Variants in TTC21B observed in about 807,000 individuals in gnomAD.
TTC21B encodes tetratricopeptide repeat protein 21B.
In TTC21B, 127 loss-of-function variants were observed where a neutral mutation model predicts 175.1. The ratio of observed to expected loss-of-function variants is 0.73; its 90% confidence interval spans 0.63 to 0.84. The LOEUF is 0.84. Among genes scored for constraint, TTC21B ranks in the 40% least tolerant of loss-of-function variants. The probability of loss-of-function intolerance (pLI) is 0.00; values close to 1 mark genes in which losing one functional copy is unlikely to be tolerated. For synonymous variants in TTC21B, 524 were observed against 524.5 expected (o/e 1.00, Z 0.01); for missense variants, 1,561 against 1,558.3 (o/e 1.00, Z -0.03).
At position 165,890,939 on chromosome 2, in the gene TTC21B, T is replaced by G; in HGVS notation, c.3000A>C (p.Gly1000=). The G allele has an allele frequency of 6.2e-7, 1 of 1,613,368 alleles. No homozygotes were observed. The highest frequency in any genetic ancestry group is 1.1e-5 in the South Asian group (1 of 91,062). The part of the protein sequence containing the change: ...SRLIDLLRRC[G]KLEDVPRFFS... ...AAAATCTTGGGACATCCTCGAGTTT[T>G]CCACATCTTCTTAGGAGATCAATCA... The change falls in exon 23 of 29, where the codon GGA becomes GGC. Residue 1000 remains glycine (G), a synonymous_variant. Coordinates refer to ENST00000243344, the MANE Select transcript of TTC21B (RefSeq NM_024753.5).
intron 6 of TTC21B, among the ~76,000 whole-genome samples, chr2:165,935,393 A>G (rs1687092134): frequency 6.6e-6 from 1 of 150,642 alleles, no homozygotes; most frequent in Admixed American, 6.6e-5. Flanking sequence ...ACAGTGCACT[A>G]TACTGAACAG....
chr2:165,926,971 G>A, intron 11 of TTC21B, among the ~76,000 whole-genome samples: 1 of 82,742 alleles, frequency 1.2e-5, no homozygotes. Flanking sequence ...ATGTATATAT[G>A]GAGTATATAT....
chr2:165,905,872 A>T (rs765163168), intron 19 of TTC21B, among the ~76,000 whole-genome samples: 2 of 68,594 alleles, frequency 2.9e-5, no homozygotes, highest in Non-Finnish European at 7.8e-5. Context: ...TGGTTACAGT[A>T]ATGTTAGAAA....
At position 165,901,771 on chromosome 2, in the gene TTC21B, G is replaced by A. The variant is rs1339081097; in HGVS notation, c.2708C>T (p.Ala903Val). 1 of 1,613,928 alleles carries A rather than the reference G, an allele frequency of 6.2e-7. No individual in the cohort carries two copies. Among genetic ancestry groups the A allele is most frequent in the African/African-American group, 1.3e-5 (1 of 74,894 alleles). ...HSVAQRDYEKAIKFYREALVH... is the reference protein window; with the variant it reads ...HSVAQRDYEKVIKFYREALVH... Reference sequence around the variant, plus strand: ...CAGAGCCTCTCTATAAAACTTAATTGCTTTTTCATAGTCTCGCTGAGCAAC... The same window carrying A: ...CAGAGCCTCTCTATAAAACTTAATTACTTTTTCATAGTCTCGCTGAGCAAC... The change falls in exon 20 of 29, where the codon GCA (alanine) becomes GTA (valine). Residue 903 changes from alanine to valine, a missense_variant. By Grantham distance (64) the Ala-to-Val change is moderately conservative (BLOSUM62 0). Transcript: ENST00000243344.
chr2:165,909,013 G>A (rs1559052552), intron 18 of TTC21B, among the ~76,000 whole-genome samples: 1 of 151,778 alleles, frequency 6.6e-6, no homozygotes, highest in Non-Finnish European at 1.5e-5. Context: ...ACTTACAATG[G>A]GCTTCTCTCA....
intron 19 of TTC21B, among the ~76,000 whole-genome samples, chr2:165,904,207 CTT>C (rs369349696): frequency 0.16 from 23,706 of 152,020 alleles, 2,160 homozygotes; most frequent in East Asian, 0.26. Flanking sequence ...TTCCTTGTAG[CTT>C]CTGGTAACTA....
intron 6 of TTC21B, chr2:165,934,717 A>T (rs1027341963): frequency 7.0e-6 from 1 of 143,384 alleles, no homozygotes; most frequent in African/African-American, 2.6e-5. Flanking sequence ...AATAAAAATG[A>T]GATACCTCTC....
At position 165,949,541 on chromosome 2, in the gene TTC21B, A is replaced by C. The variant is rs1304362349; in HGVS notation, c.152-37T>G. 4 of 1,613,614 alleles carry C rather than the reference A, an allele frequency of 2.5e-6. No individual in the cohort carries two copies. The South Asian group carries it at 3.3e-5, about 13-fold the overall frequency. On this transcript the variant is annotated intron_variant, in intron 2 of 28. Transcript: ENST00000243344. ...GATTATGATATGAAAAACTGTTCTT[A>C]GTGCAAAGCAAGAATTTAAAACTGA... is the stretch of plus-strand genomic sequence containing the variant.
chr2:165,948,891 T>G (rs923768020), intron 3 of TTC21B: 1 of 155,752 alleles, frequency 6.4e-6, no homozygotes, highest in African/African-American at 2.4e-5. Flanking sequence ...TGTATAAATT[T>G]CCTTCTATAA....
chr2:165,919,162 C>A, intron 13 of TTC21B, 114 bp downstream of exon 13: 1 of 1,216,598 alleles, frequency 8.2e-7, no homozygotes, highest in Non-Finnish European at 1.2e-6. Context: ...ATTTTTTTTT[C>A]CATTAAAAAT....
At chr2:165,951,995 G>A (rs1183535937) in intron 1 of TTC21B, among the ~76,000 whole-genome samples, 3 of 151,832 alleles carry the variant, frequency 2.0e-5, no homozygotes, top group African/African-American at 4.8e-5. Flanking sequence ...CTCCACACAC[G>A]TACACGCTCT....
At chr2:165,910,096 G>A (rs1046143302) in intron 18 of TTC21B, among the ~76,000 whole-genome samples, 1 of 152,082 alleles carries the variant, frequency 6.6e-6, no homozygotes, top group Non-Finnish European at 1.5e-5. Flanking sequence ...GCAACCACTA[G>A]ATTTTATTTA....
chr2:165,876,079 T>C (rs1298066000), intron 28 of TTC21B, 86 bp downstream of exon 28: 3 of 806,412 alleles, frequency 3.7e-6, no homozygotes, highest in African/African-American at 1.7e-5. Flanking sequence ...GTATCCTCTA[T>C]TTCTATTCAC....
intron 18 of TTC21B, among the ~76,000 whole-genome samples, chr2:165,909,725 T>C (rs1040093088): frequency 6.6e-6 from 1 of 152,210 alleles, no homozygotes; most frequent in Non-Finnish European, 1.5e-5. Context: ...TTTATCTCAG[T>C]ACTGCTTCCA....
At chr2:165,934,025 C>T (rs1203659476) in intron 6 of TTC21B, 1 of 152,130 alleles carries the variant, frequency 6.6e-6, no homozygotes, top group Non-Finnish European at 1.5e-5. Flanking sequence ...TGAAGCAGGG[C>T]CCCAGCCAAG....
At chr2:165,932,611 A>G (rs1004776281) in intron 7 of TTC21B, among the ~76,000 whole-genome samples, 3 of 152,030 alleles carry the variant, frequency 2.0e-5, no homozygotes, top group African/African-American at 7.2e-5. Context: ...ACTATAAATT[A>G]CATTTTGCAT....
At chr2:165,893,639 T>C (rs1287868257) in intron 22 of TTC21B, among the ~76,000 whole-genome samples, 1 of 152,042 alleles carries the variant, frequency 6.6e-6, no homozygotes, top group Non-Finnish European at 1.5e-5. Context: ...GATATCAAAA[T>C]AGTTATAGGG....
chr2:165,949,484 G>C lies in TTC21B; in HGVS notation c.172C>G (p.Arg58Gly). The C allele has an allele frequency of 6.2e-7, 1 of 1,613,728 alleles. No homozygotes were observed. The highest frequency in any genetic ancestry group is 8.5e-7 in the Non-Finnish European group (1 of 1,179,794). Residue 58 changes from arginine (R) to glycine (G), a missense_variant, in exon 3 of 29, where the codon CGA (arginine) becomes GGA (glycine). Transcript: ENST00000243344. ...TTATTTTTAATAGCCTCAAATTCTC[G>C]AAGAGCTTCTTGAGTTTTACCTGAA... ...LMEGKTQEALREFEAIKNKQD... is the reference protein window; with the variant it reads ...LMEGKTQEALGEFEAIKNKQD...
At position 165,901,711 on chromosome 2, in the gene TTC21B, A is replaced by G; in HGVS notation, c.2757+11T>C. 6.2e-7 allele frequency: 1 copy of G among 1,611,764 alleles called. No individual in the cohort carries two copies. Among genetic ancestry groups the G allele is most frequent in the Non-Finnish European group, 8.5e-7 (1 of 1,177,940 alleles). ...AATAAAAGGTATTTAAAATTTTATA[A>G]AGGTACTGACCTTATTATCTGTTTC... On this transcript the variant is annotated intron_variant, in intron 20 of 28. Transcript: ENST00000243344.
Sources: gnomAD v4.1 joint callset for allele counts (sites outside exome capture counted in the v4.1 genomes callset) on GRCh38, gnomAD v4.1.1 for gene constraint, MANE v1.5 for transcripts, NCBI Gene and HGNC (gene_info 2026-07-23, HGNC 2026-07-21) for gene names.